Variants in ATF7IP observed in about 807,000 individuals in gnomAD.
ATF7IP encodes activating transcription factor 7-interacting protein 1.
A neutral mutation model predicts 106.4 loss-of-function variants in ATF7IP; 23 were observed. The ratio of observed to expected loss-of-function variants is 0.22; its 90% confidence interval spans 0.16 to 0.31. The LOEUF is 0.31. ATF7IP is among the 10% of genes least tolerant of loss of function. The pLI is 1.00. For missense variants in ATF7IP, 1,334 were observed against 1,524.3 expected (o/e 0.88, Z 2.08); for synonymous variants, 542 against 539.0 (o/e 1.01, Z -0.08).
intron 1 of ATF7IP, among the ~76,000 whole-genome samples, chr12:14,406,126 G>A (rs1239677357): frequency 6.6e-6 from 1 of 152,100 alleles, no homozygotes; most frequent in Admixed American, 6.5e-5. Flanking sequence ...TTGAGATGGA[G>A]TCTCGCTTTA....
intron 1 of ATF7IP, among the ~76,000 whole-genome samples, chr12:14,373,367 C>T (rs573224250): frequency 2.0e-5 from 3 of 152,118 alleles, no homozygotes; most frequent in Non-Finnish European, 4.4e-5. Context: ...GTGGTTTTGC[C>T]TTAACATATG....
At chr12:14,410,637 A>G (rs1940861171) in intron 1 of ATF7IP, among the ~76,000 whole-genome samples, 1 of 152,210 alleles carries the variant, frequency 6.6e-6, no homozygotes. Flanking sequence ...TAAGATCTAT[A>G]GTAAGAACTA....
chr12:14,425,814 C>T (rs980104162), intron 2 of ATF7IP, among the ~76,000 whole-genome samples: 38 of 152,238 alleles, frequency 2.5e-4, no homozygotes, highest in African/African-American at 8.2e-4. Flanking sequence ...TATCACTTAG[C>T]GAACAAATAA....
chr12:14,442,414 G>A (rs1210781794), intron 5 of ATF7IP, among the ~76,000 whole-genome samples: 1 of 152,170 alleles, frequency 6.6e-6, no homozygotes, highest in Non-Finnish European at 1.5e-5. Flanking sequence ...ACATAGTTCA[G>A]CCTGATTCTG....
chr12:14,366,170 T>C (rs948364918), intron 1 of ATF7IP, among the ~76,000 whole-genome samples: 2 of 151,886 alleles, frequency 1.3e-5, no homozygotes, highest in African/African-American at 4.8e-5. Flanking sequence ...AAAACATTAC[T>C]CTAATGTTGT....
At chr12:14,377,120 G>A (rs1366547788) in intron 1 of ATF7IP, among the ~76,000 whole-genome samples, 1 of 151,354 alleles carries the variant, frequency 6.6e-6, no homozygotes, top group African/African-American at 2.4e-5. Context: ...TCAGCCTTCC[G>A]AGTAGCTGGG....
chr12:14,427,744 C>T (rs549762401), intron 2 of ATF7IP, among the ~76,000 whole-genome samples: 1 of 152,148 alleles, frequency 6.6e-6, no homozygotes, highest in Admixed American at 6.5e-5. Flanking sequence ...TTTTCTTTCA[C>T]ACCCCATAAT....
intron 8 of ATF7IP, among the ~76,000 whole-genome samples, chr12:14,459,812 T>C (rs117152765): frequency 1.1e-4 from 16 of 152,348 alleles, no homozygotes; most frequent in Admixed American, 2.6e-4. Flanking sequence ...AAAATTATTA[T>C]AAAACTAGTG....
intron 11 of ATF7IP, among the ~76,000 whole-genome samples, chr12:14,476,631 G>A (rs1397232540): frequency 6.6e-6 from 1 of 151,840 alleles, no homozygotes; most frequent in Non-Finnish European, 1.5e-5. Context: ...ACTCAGTAAG[G>A]GTCTTGGGAG....
In ATF7IP at chr12:14,475,893, G is replaced by C. The variant is rs377288237; in HGVS notation, c.2866G>C (p.Gly956Arg). ...KKAADSTSQC[G>R]KATGSDSSGV... Reference sequence around the variant, plus strand: ...ATGTAGAAGTTTTGTTTTTCAGTGTGGAAAAGCCACTGGCAGTGATTCAAG... The same window carrying C: ...ATGTAGAAGTTTTGTTTTTCAGTGTCGAAAAGCCACTGGCAGTGATTCAAG... The change falls in exon 11 of 15, where the codon GGA (glycine) becomes CGA (arginine). Residue 956 changes from glycine (G) to arginine (R), a missense_variant. Coordinates refer to ENST00000261168, the MANE Select transcript of ATF7IP (RefSeq NM_018179.5). 3.1e-6 allele frequency: 5 copies of C among 1,608,208 alleles called. No individual in the cohort carries two copies. The highest frequency in any genetic ancestry group is 4.2e-6 in the Non-Finnish European group (5 of 1,178,292).
chr12:14,423,569 A>T (rs1591829701), intron 1 of ATF7IP, among the ~76,000 whole-genome samples: 13 of 87,764 alleles, frequency 1.5e-4, no homozygotes, highest in African/African-American at 1.9e-4. Context: ...CATTTTCTTC[A>T]GGTACTTTTT....
At chr12:14,466,358 A>G (rs1591925189) in intron 9 of ATF7IP, 168 bp from the exon 10 acceptor site, 1 of 626,840 alleles carries the variant, frequency 1.6e-6, no homozygotes, top group Non-Finnish European at 2.8e-6. Context: ...TCTGTATGGT[A>G]TCTGAAAGAT....
chr12:14,379,743 C>G (rs1047392594), intron 1 of ATF7IP, among the ~76,000 whole-genome samples: 1 of 152,112 alleles, frequency 6.6e-6, no homozygotes, highest in Non-Finnish European at 1.5e-5. Context: ...AGACACTGCT[C>G]CATTATCTTC....
intron 1 of ATF7IP, among the ~76,000 whole-genome samples, chr12:14,366,543 A>G (rs930572408): frequency 1.3e-5 from 2 of 152,188 alleles, no homozygotes; most frequent in East Asian, 1.9e-4. Flanking sequence ...CAATCTGAGG[A>G]TTATTTTGGT....
At chr12:14,478,920 T>C (rs1473949967) in intron 12 of ATF7IP, among the ~76,000 whole-genome samples, 1 of 152,190 alleles carries the variant, frequency 6.6e-6, no homozygotes, top group African/African-American at 2.4e-5. Context: ...TCTGAGCCTT[T>C]ACTATGCTAA....
At chr12:14,422,877 G>A (rs986151857) in intron 1 of ATF7IP, among the ~76,000 whole-genome samples, 2 of 152,080 alleles carry the variant, frequency 1.3e-5, no homozygotes, top group African/African-American at 2.4e-5. Context: ...ACAAGTTTTT[G>A]TGTGGACATA....
intron 1 of ATF7IP, among the ~76,000 whole-genome samples, chr12:14,420,616 G>A (rs766705368): frequency 2.7e-5 from 4 of 148,108 alleles, no homozygotes; most frequent in Non-Finnish European, 4.5e-5. Flanking sequence ...GCGACAGAGC[G>A]AGACTCCGTC....
At chr12:14,439,897 T>C (rs1272368128) in intron 5 of ATF7IP, among the ~76,000 whole-genome samples, 1 of 151,332 alleles carries the variant, frequency 6.6e-6, no homozygotes, top group African/African-American at 2.4e-5. Flanking sequence ...CCTAAAACAG[T>C]TTTCGACACC....
In ATF7IP at chr12:14,500,069, A is replaced by G. The variant is rs1945123185; in HGVS notation, c.*1996A>G. ...GTTGAGAATATTTTGAAAGGAATTT[A>G]TGGAGTTTGTGAAATAACTTCGAAG... On this transcript the variant is annotated 3_prime_UTR_variant, in exon 15 of 15. Coordinates refer to ENST00000261168, the MANE Select transcript of ATF7IP (RefSeq NM_018179.5). 1 of 152,176 alleles carries G rather than the reference A, an allele frequency of 6.6e-6. No homozygotes were observed. Among genetic ancestry groups the G allele is most frequent in the South Asian group, 2.1e-4 (1 of 4,830 alleles). 9.4% of individuals were successfully genotyped at this position (152,176 alleles called of 1,614,324 possible).
Sources: gnomAD v4.1 joint callset for allele counts (sites outside exome capture counted in the v4.1 genomes callset) on GRCh38, gnomAD v4.1.1 for gene constraint, MANE v1.5 for transcripts, NCBI Gene and HGNC (gene_info 2026-07-23, HGNC 2026-07-21) for gene names.